FSHR: variants seen among roughly 807,000 people sequenced by gnomAD.
FSHR encodes the protein follicle-stimulating hormone receptor.
A neutral mutation model predicts 52.1 loss-of-function variants in FSHR; 46 were observed. The observed-to-expected ratio is 0.88, with a 90% CI of 0.70 to 1.13. FSHR has a LOEUF of 1.13. FSHR is among the 50% of genes most tolerant of loss of function. FSHR has a pLI of 0.00. For missense variants in FSHR, 964 were observed against 834.6 expected, an observed-to-expected ratio of 1.16 and a Z score of -1.91; for synonymous variants, 399 against 309.6, an observed-to-expected ratio of 1.29 and a Z score of -3.03.
At chr2:49,010,046 C>A (rs1283956023) in intron 4 of FSHR, among the ~76,000 whole-genome samples, 3 of 91,332 alleles carry the variant, frequency 3.3e-5, no homozygotes, top group African/African-American at 8.9e-5. Context: ...TTGCCCTGGC[C>A]AGAACTTCCA....
rs56890721 is a variant in FSHR at position 49,087,070 on chromosome 2, GTTT to G, written c.153-18783_153-18781del. Among the ~76,000 whole-genome samples, 8 of 86,732 alleles carry G rather than the reference GTTT, an allele frequency of 9.2e-5. No homozygotes were observed. In the South Asian group the frequency reaches 1.6e-3, roughly 17 times the overall value. The allele number at this position is 86,732 out of a possible 152,430, so 56.9% of individuals were successfully genotyped here. On this transcript the variant is annotated intron_variant, in intron 1 of 9. Transcript: ENST00000406846. Reference sequence around the variant, plus strand: ...GTAGTTGAGGGACCCTGTGGGCAGGGTTTTTTTTTTTTTTTTTTTTTTTTTTTT... The same window carrying G: ...GTAGTTGAGGGACCCTGTGGGCAGGGTTTTTTTTTTTTTTTTTTTTTTTTT...
At chr2:49,018,580 T>C (rs1667581095) in intron 3 of FSHR, among the ~76,000 whole-genome samples, 1 of 152,202 alleles carries the variant, frequency 6.6e-6, no homozygotes, top group Admixed American at 6.5e-5. Context: ...CTGCTTGACC[T>C]TGCCCAGAGG....
chr2:49,101,315 C>A (rs1181014083), intron 1 of FSHR, among the ~76,000 whole-genome samples: 2 of 151,996 alleles, frequency 1.3e-5, no homozygotes, highest in Admixed American at 6.6e-5. Context: ...AAAGAAAGAG[C>A]AAGTTAGGAG....
chr2:48,973,905 TCTC>T (rs368735977), intron 8 of FSHR, among the ~76,000 whole-genome samples: 1 of 152,294 alleles, frequency 6.6e-6, no homozygotes, highest in African/African-American at 2.4e-5. Context: ...TGTTTGTTTG[TCTC>T]CTCAGCCAGA....
intron 4 of FSHR, among the ~76,000 whole-genome samples, chr2:49,005,483 C>T (rs1287491109): frequency 7.2e-5 from 11 of 152,126 alleles, no homozygotes; most frequent in Non-Finnish European, 1.6e-4. Context: ...CAGGAGATGG[C>T]TAATAATTTC....
intron 1 of FSHR, among the ~76,000 whole-genome samples, chr2:49,129,179 A>G (rs989659441): frequency 6.6e-6 from 1 of 151,674 alleles, no homozygotes; most frequent in African/African-American, 2.4e-5. Context: ...ACTGCCTTCC[A>G]CTGAATTGCT....
chr2:49,112,927 C>G (rs879339976), intron 1 of FSHR, among the ~76,000 whole-genome samples: 1 of 151,998 alleles, frequency 6.6e-6, no homozygotes, highest in Admixed American at 6.6e-5. Flanking sequence ...GTCCCAAATG[C>G]CCAGGTGGGA....
chr2:49,140,404 G>A (rs1672638313), intron 1 of FSHR, among the ~76,000 whole-genome samples: 1 of 151,990 alleles, frequency 6.6e-6, no homozygotes, highest in Non-Finnish European at 1.5e-5. Flanking sequence ...AGCTCCCTGA[G>A]GTCTCCCCAG....
chr2:48,974,281 T>C (rs1023279119), intron 8 of FSHR, among the ~76,000 whole-genome samples: 2 of 152,212 alleles, frequency 1.3e-5, no homozygotes, highest in Admixed American at 6.5e-5. Flanking sequence ...CTGGGTAGAT[T>C]GACTTGAATG....
intron 1 of FSHR, among the ~76,000 whole-genome samples, chr2:49,149,127 G>T (rs1292404724): frequency 6.6e-6 from 1 of 151,882 alleles, no homozygotes; most frequent in Non-Finnish European, 1.5e-5. Flanking sequence ...GATTAGATGG[G>T]TAACCAGAAA....
intron 3 of FSHR, 33 bp from the exon 4 acceptor site, chr2:49,017,596 T>G (rs767914211): frequency 6.7e-7 from 1 of 1,486,222 alleles, no homozygotes; most frequent in Non-Finnish European, 9.4e-7. Flanking sequence ...CTAGTGATCT[T>G]GATGGTAAGG....
chr2:49,086,639 A>AT (rs1055559752), intron 1 of FSHR, among the ~76,000 whole-genome samples: 4 of 151,910 alleles, frequency 2.6e-5, no homozygotes, highest in African/African-American at 4.8e-5. Context: ...TTTATTTCTT[A>AT]TTTTTTAATT....
At chr2:48,966,190 C>T (rs1003814640) in intron 9 of FSHR, among the ~76,000 whole-genome samples, 4 of 152,132 alleles carry the variant, frequency 2.6e-5, no homozygotes, top group Non-Finnish European at 5.9e-5. Flanking sequence ...GTAGTGAATA[C>T]TTGGCAAATG....
intron 4 of FSHR, among the ~76,000 whole-genome samples, chr2:49,015,840 G>T (rs951760009): frequency 6.6e-6 from 1 of 152,140 alleles, no homozygotes; most frequent in Admixed American, 6.6e-5. Context: ...TTTCAAGAAG[G>T]TAACAGCAGA....
Position 49,110,060 on chromosome 2 carries a change from T to C in FSHR, c.153-41770A>G, listed in dbSNP as rs546496517. ...TTTGGGAGCAGGGTTTGCATGTTGA[T>C]ATTTTGTAAACTGAGTCATGCAGGA... On this transcript the variant is annotated intron_variant, in intron 1 of 9. Coordinates refer to ENST00000406846, the MANE Select transcript of FSHR (RefSeq NM_000145.4). Among the ~76,000 whole-genome samples the C allele has an allele frequency of 5.3e-5, 8 of 152,244 alleles. No individual in the cohort carries two copies. In the East Asian group the frequency reaches 1.6e-3, roughly 30 times the overall value.
intron 4 of FSHR, among the ~76,000 whole-genome samples, chr2:49,016,875 C>T (rs183198293): frequency 3.9e-5 from 6 of 152,248 alleles, no homozygotes; most frequent in South Asian, 2.1e-4. Context: ...TTAACTCCAG[C>T]GACCAAATTC....
intron 2 of FSHR, among the ~76,000 whole-genome samples, chr2:49,063,657 T>A (rs1019544320): frequency 2.0e-5 from 3 of 152,102 alleles, no homozygotes; most frequent in Admixed American, 1.3e-4. Context: ...TAGTGGTTAT[T>A]GGAGGCAGGG....
intron 1 of FSHR, among the ~76,000 whole-genome samples, chr2:49,073,228 G>A (rs1238419392): frequency 6.6e-6 from 1 of 151,992 alleles, no homozygotes; most frequent in Non-Finnish European, 1.5e-5. Context: ...GCAAGAGAAA[G>A]AAATAAAGGT....
intron 8 of FSHR, among the ~76,000 whole-genome samples, chr2:48,980,656 C>T (rs1276919863): frequency 6.6e-6 from 1 of 152,152 alleles, no homozygotes; most frequent in Non-Finnish European, 1.5e-5. Context: ...CAGGGGGCCT[C>T]ACCGAATAAC....
Sources: gnomAD v4.1 joint callset for allele counts (sites outside exome capture counted in the v4.1 genomes callset) on GRCh38, gnomAD v4.1.1 for gene constraint, MANE v1.5 for transcripts, NCBI Gene and HGNC (gene_info 2026-07-23, HGNC 2026-07-21) for gene names.